The following KCNN3 variants were observed in gnomAD, a reference collection of about 807,000 sequenced individuals.
KCNN3 encodes small conductance calcium-activated potassium channel protein 3.
In KCNN3, 16 loss-of-function variants were observed where a neutral mutation model predicts 62.9. The ratio of observed to expected loss-of-function variants is 0.25; its 90% confidence interval spans 0.17 to 0.39. The LOEUF is 0.39. Ranked by LOEUF, KCNN3 falls within the 10% of genes least tolerant of loss-of-function variation. KCNN3 has a pLI of 1.00. For missense variants in KCNN3, 599 were observed against 949.4 expected (o/e 0.63, Z 4.85); for synonymous variants, 370 against 389.2 (o/e 0.95, Z 0.58).
intron 1 of KCNN3, among the ~76,000 whole-genome samples, chr1:154,866,752 G>T (rs907929435): frequency 6.6e-6 from 1 of 152,302 alleles, no homozygotes; most frequent in East Asian, 1.9e-4. Context: ...CTGCCCCCTC[G>T]GTGCACGCCA....
chr1:154,869,437 G>A lies in KCNN3; in HGVS notation c.528C>T (p.Ser176=). Residue 176 remains serine (S), a synonymous_variant, in exon 1 of 8, where the codon AGC becomes AGT. Transcript: ENST00000271915. This position sits in a 1 kb window ranked among gnomAD's most constrained non-coding sequence, Gnocchi z 6.1. The part of the protein sequence containing the change: ...DSNPFTEIAM[S]SCKYSGGVMK... ...TGACCCCACCGCTATACTTGCAGGA[G>A]CTCATGGCGATCTCCGTGAAGGGGT... The A allele has an allele frequency of 6.2e-7, 1 of 1,614,088 alleles. No individual in the cohort carries two copies. The highest frequency in any genetic ancestry group is 8.5e-7 in the Non-Finnish European group (1 of 1,179,988).
chr1:154,749,592 T>C (rs1374558756), intron 3 of KCNN3, among the ~76,000 whole-genome samples: 1 of 151,384 alleles, frequency 6.6e-6, no homozygotes, highest in Non-Finnish European at 1.5e-5. Flanking sequence ...GAAGACAGGG[T>C]GCCAAGGAGG....
chr1:154,728,665 G>A (rs113029802), intron 4 of KCNN3, among the ~76,000 whole-genome samples: 5 of 151,870 alleles, frequency 3.3e-5, no homozygotes, highest in African/African-American at 1.2e-4. Flanking sequence ...GAGGAGAAAA[G>A]AGAAGAGAAG....
chr1:154,793,372 T>A (rs1649597409), intron 2 of KCNN3, among the ~76,000 whole-genome samples: 1 of 152,082 alleles, frequency 6.6e-6, no homozygotes, highest in Non-Finnish European at 1.5e-5. Context: ...ACACCTGGAG[T>A]TTCATCCCTG....
intron 3 of KCNN3, among the ~76,000 whole-genome samples, chr1:154,739,570 C>A (rs1015135024): frequency 6.6e-6 from 1 of 152,236 alleles, no homozygotes; most frequent in African/African-American, 2.4e-5. Flanking sequence ...AAAATGACCT[C>A]GATATCCCCC....
At chr1:154,761,944 A>G (rs1350165120) in intron 3 of KCNN3, among the ~76,000 whole-genome samples, 18 of 149,416 alleles carry the variant, frequency 1.2e-4, no homozygotes. Flanking sequence ...CGCATCAAAA[A>G]CAAACAACGA....
At chr1:154,794,633 C>T (rs568251476) in intron 2 of KCNN3, among the ~76,000 whole-genome samples, 1 of 152,288 alleles carries the variant, frequency 6.6e-6, no homozygotes, top group Non-Finnish European at 1.5e-5. Context: ...TGTCTTGAGG[C>T]CCACAAGGAA....
At chr1:154,715,720 C>T (rs1054105659) in intron 5 of KCNN3, among the ~76,000 whole-genome samples, 9 of 152,020 alleles carry the variant, frequency 5.9e-5, no homozygotes, top group Non-Finnish European at 8.8e-5. Context: ...TCCCGGGGTC[C>T]CCTTGGAAAA....
chr1:154,732,533 G>C (rs987027300), intron 4 of KCNN3, among the ~76,000 whole-genome samples: 4 of 152,212 alleles, frequency 2.6e-5, no homozygotes, highest in African/African-American at 9.7e-5. Context: ...GGTCCCAAAG[G>C]CCGACTCAGT....
rs1380001135 is a variant in KCNN3, at chr1:154,809,302, G to A, written c.1029+12787C>T. Among the ~76,000 whole-genome samples the A allele has an allele frequency of 2.0e-5, 3 of 152,174 alleles. No individual in the cohort carries two copies. Among genetic ancestry groups the A allele is most frequent in the Non-Finnish European group, 4.4e-5 (3 of 68,034 alleles). ...AGTAACACGAGACCGGGTCCAGTCT[G>A]TAGTTCACAGCTCTGTCCCATACCA... On this transcript the variant is annotated intron_variant, in intron 2 of 7. Transcript: ENST00000271915. This position sits in a 1 kb window ranked among gnomAD's most constrained non-coding sequence, Gnocchi z 4.3.
chr1:154,798,230 T>C (rs556541261), intron 2 of KCNN3, among the ~76,000 whole-genome samples: 1 of 152,268 alleles, frequency 6.6e-6, no homozygotes, highest in East Asian at 1.9e-4. Context: ...CAGACCTGGT[T>C]TGAACAAACA....
At chr1:154,839,931 AG>A (rs1337967545) in intron 1 of KCNN3, among the ~76,000 whole-genome samples, 1 of 152,204 alleles carries the variant, frequency 6.6e-6, no homozygotes, top group African/African-American at 2.4e-5. Context: ...GTGGGCAGAG[AG>A]GCCTGCAGAG....
At chr1:154,784,503 C>T (rs957690051) in intron 2 of KCNN3, among the ~76,000 whole-genome samples, 2 of 152,222 alleles carry the variant, frequency 1.3e-5, no homozygotes, top group Non-Finnish European at 2.9e-5. Flanking sequence ...CCAGATCCAG[C>T]GTCCCACCCT....
intron 1 of KCNN3, among the ~76,000 whole-genome samples, chr1:154,824,703 G>A (rs1449981192): frequency 2.0e-5 from 3 of 152,112 alleles, no homozygotes; most frequent in Admixed American, 1.3e-4. Flanking sequence ...TATTTCTTTT[G>A]GCAGCAATGA....
chr1:154,753,834 T>C (rs1384283098), intron 3 of KCNN3, among the ~76,000 whole-genome samples: 1 of 152,066 alleles, frequency 6.6e-6, no homozygotes, highest in East Asian at 1.9e-4. Flanking sequence ...TATCTACAGA[T>C]CCCAAGAAAG....
intron 1 of KCNN3, among the ~76,000 whole-genome samples, chr1:154,856,471 C>T (rs1000430417): frequency 3.3e-5 from 5 of 152,152 alleles, no homozygotes; most frequent in African/African-American, 1.2e-4. Flanking sequence ...ACGACCTTCC[C>T]GCAGATGGCC....
chr1:154,819,555 C>T (rs966394406), intron 2 of KCNN3, among the ~76,000 whole-genome samples: 1 of 152,206 alleles, frequency 6.6e-6, no homozygotes, highest in Non-Finnish European at 1.5e-5. Flanking sequence ...AACCTCCCTC[C>T]CACTGACTCT....
At chr1:154,844,776 C>A (rs963275273) in intron 1 of KCNN3, among the ~76,000 whole-genome samples, 3 of 152,078 alleles carry the variant, frequency 2.0e-5, no homozygotes, top group Non-Finnish European at 4.4e-5. Context: ...GAGGCTGAGG[C>A]GGGTGGATCA....
intron 5 of KCNN3, among the ~76,000 whole-genome samples, chr1:154,715,547 C>CTCTT (rs1296141683): frequency 1.4e-5 from 2 of 146,504 alleles, no homozygotes; most frequent in East Asian, 3.9e-4. Flanking sequence ...TTCTTTCTTT[C>CTCTT]TCTTTCTTTC....
Sources: allele counts gnomAD v4.1 joint callset (sites outside exome capture counted in the v4.1 genomes callset), GRCh38; gene constraint gnomAD v4.1.1; non-coding constraint Gnocchi (gnomAD v3.1); transcripts MANE v1.5; gene names NCBI Gene and HGNC (gene_info 2026-07-23, HGNC 2026-07-21).